The following SLC45A3 variants were observed in gnomAD, a reference collection of about 807,000 sequenced individuals.
The protein encoded by SLC45A3 is solute carrier family 45 member 3.
In SLC45A3, 17 loss-of-function variants were observed where a neutral mutation model predicts 35.3. The ratio of observed to expected loss-of-function variants is 0.48; its 90% CI spans 0.33 to 0.72. The LOEUF (loss-of-function observed/expected upper bound fraction) is 0.72. Ranked by LOEUF, SLC45A3 falls within the 30% of genes least tolerant of loss-of-function variation. The pLI, the probability that SLC45A3 is intolerant of heterozygous loss-of-function variation, is 0.02. For missense variants in SLC45A3, 597 were observed against 731.7 expected (o/e 0.82, Z 2.12); for synonymous variants, 288 against 334.3 (o/e 0.86, Z 1.51).
intron 1 of SLC45A3, among the ~76,000 whole-genome samples, chr1:205,667,936 C>T (rs376566603): frequency 1.5e-4 from 23 of 152,136 alleles, no homozygotes; most frequent in East Asian, 3.9e-4. Flanking sequence ...CTTTCTCCAA[C>T]GCCCCCCATC....
intron 1 of SLC45A3, among the ~76,000 whole-genome samples, 171 bp from the exon 2 acceptor site, chr1:205,665,057 C>T (rs572082156): frequency 1.3e-5 from 2 of 152,346 alleles, no homozygotes; most frequent in Non-Finnish European, 2.9e-5. Flanking sequence ...TAATATTAGC[C>T]TACGGCTGAC....
chr1:205,662,774 G>C lies in SLC45A3; in HGVS notation c.958+59C>G, dbSNP rs551181713. 7 of 1,518,830 alleles carry C rather than the reference G, an allele frequency of 4.6e-6. No homozygotes were observed. In the Middle Eastern group the frequency reaches 7.4e-4, roughly 161 times the overall value. The allele number at this position is 1,518,830 out of a possible 1,614,324, so 94.1% of individuals were successfully genotyped here. A position where few individuals can be genotyped will look rare whatever the true frequency, so the allele number is the denominator to read the frequency against. On this transcript the variant is annotated intron_variant, in intron 3 of 4. Coordinates refer to ENST00000367145, the MANE Select transcript of SLC45A3 (RefSeq NM_033102.3). This position sits in a 1 kb window ranked among gnomAD's most constrained non-coding sequence, Gnocchi z 6.2. ...GAGGCACCAGCCCAGACACAGCCCC[G>C]AGTGTCGTCTCTGGTGGGCGGCTCC...
chr1:205,679,954 G>A (rs1373198781), intron 1 of SLC45A3, among the ~76,000 whole-genome samples: 1 of 151,792 alleles, frequency 6.6e-6, no homozygotes, highest in Non-Finnish European at 1.5e-5. Context: ...GACAAGAGAA[G>A]AAAATAAACG....
intron 1 of SLC45A3, among the ~76,000 whole-genome samples, chr1:205,673,780 C>T (rs1671254499): frequency 6.6e-6 from 1 of 152,320 alleles, no homozygotes; most frequent in African/African-American, 2.4e-5. Context: ...AACAGTCACT[C>T]TCAGTGGTGA....
At chr1:205,672,437 G>A (rs1462186672) in intron 1 of SLC45A3, among the ~76,000 whole-genome samples, 1 of 152,188 alleles carries the variant, frequency 6.6e-6, no homozygotes, top group African/African-American at 2.4e-5. Context: ...CAGGGAAAAT[G>A]AACACAGTGG....
Position 205,664,611 on chromosome 1 carries a change from C to T in SLC45A3, c.46G>A (p.Ala16Thr). The change falls in exon 2 of 5, where the codon GCC becomes ACC. Residue 16 changes from alanine (A) to threonine (T), a missense_variant. Ala to Thr is a moderately conservative substitution (Grantham distance 58). Coordinates refer to ENST00000367145, the MANE Select transcript of SLC45A3 (RefSeq NM_033102.3). The surrounding 1 kb of genome is among the most constrained non-coding windows in gnomAD (Gnocchi z 5.3). ...WVSRLLRHRK[A>T]QLLLVNLLTF... ...AGCAGGTTGACCAGCAAGAGCTGGGCTTTCCGGTGCCGCAGCAGGCGGCTC... is the reference window on the plus strand; with the variant it reads ...AGCAGGTTGACCAGCAAGAGCTGGGTTTTCCGGTGCCGCAGCAGGCGGCTC... 1 of 1,614,284 alleles carries T rather than the reference C, an allele frequency of 6.2e-7. No individual in the cohort carries two copies. Among genetic ancestry groups the T allele is most frequent in the Non-Finnish European group, 8.5e-7 (1 of 1,180,044 alleles).
rs1033285501 is a variant in SLC45A3 at position 205,669,599 on chromosome 1, G to A, written c.-230-4713C>T. Among the ~76,000 whole-genome samples, 7 of 152,128 alleles carry A rather than the reference G, an allele frequency of 4.6e-5. No individual in the cohort carries two copies. Among genetic ancestry groups the A allele is most frequent in the African/African-American group, 9.7e-5 (4 of 41,432 alleles). On this transcript the variant is annotated intron_variant, in intron 1 of 4. Transcript: ENST00000367145. The surrounding 1 kb of genome is among the most constrained non-coding windows in gnomAD (Gnocchi z 4.1). ...AGCAATTCTAAGGCTTCTTTATGCA[G>A]GCCAGCGTCAAACCCCACCCAGGCA...
chr1:205,659,102 G>A lies in SLC45A3; in HGVS notation c.*132C>T. 1 of 904,398 alleles carries A rather than the reference G, an allele frequency of 1.1e-6. No individual in the cohort carries two copies. Among genetic ancestry groups the A allele is most frequent in the Non-Finnish European group, 1.7e-6 (1 of 599,730 alleles). 56.0% of individuals were successfully genotyped at this position (904,398 alleles called of 1,614,324 possible). ...GCTACGCACCTCAGCAGCACAGGGT[G>A]GCAGCAGAGAGCCACATTACTTTGG... On this transcript the variant is annotated 3_prime_UTR_variant, in exon 5 of 5. Coordinates refer to ENST00000367145, the MANE Select transcript of SLC45A3 (RefSeq NM_033102.3). This position sits in a 1 kb window ranked among gnomAD's most constrained non-coding sequence, Gnocchi z 5.8.
chr1:205,663,171 AAGATGAGGGT>A lies in SLC45A3; in HGVS notation c.610_619del (p.Thr204SerfsTer5). On this transcript the variant is annotated frameshift_variant, in exon 3 of 5. Coordinates refer to ENST00000367145, the MANE Select transcript of SLC45A3 (RefSeq NM_033102.3). LOFTEE classifies it high-confidence loss of function. ...CAGTGTGGCTGCTACGCAGGTGAGG[AAGATGAGGGT>A]GAGCAGGCCAAAGAGGCACTCCTCC... The A allele has an allele frequency of 6.2e-7, 1 of 1,612,874 alleles. No homozygotes were observed. The highest frequency in any genetic ancestry group is 2.2e-5 in the East Asian group (1 of 44,822).
intron 1 of SLC45A3, among the ~76,000 whole-genome samples, chr1:205,671,077 G>A (rs1558036482): frequency 6.6e-6 from 1 of 152,178 alleles, no homozygotes; most frequent in Non-Finnish European, 1.5e-5. Flanking sequence ...AAGGGACAGA[G>A]GGGCAGTCCC....
At position 205,659,516 on chromosome 1, in the gene SLC45A3, G is replaced by A. The variant is rs766319015; in HGVS notation, c.1380C>T (p.Leu460=). The A allele has an allele frequency of 9.9e-6, 16 of 1,611,632 alleles. No individual in the cohort carries two copies. The highest frequency in any genetic ancestry group is 8.5e-7 in the Non-Finnish European group (1 of 1,178,514). The change falls in exon 5 of 5, where the codon CTC becomes CTT. Residue 460 remains leucine (L), a synonymous_variant. Transcript: ENST00000367145. This position sits in a 1 kb window ranked among gnomAD's most constrained non-coding sequence, Gnocchi z 5.8. ...AGACATCACAGGCAGAGGCCCCGCA[G>A]AGCGCGGGTGGAGGTGGGAGCAGGC... ...GSGLLPPPPA[L]CGASACDVSV... is the part of the protein sequence containing the mutation.
chr1:205,680,319 G>A (rs61824662), intron 1 of SLC45A3, 75 bp downstream of exon 1: 5,918 of 152,080 alleles, frequency 0.039, 235 homozygotes, highest in East Asian at 0.15. Context: ...ACAGCGCGGA[G>A]CTCGGCCGTG....
Position 205,680,460 on chromosome 1 carries a change from GC to G in SLC45A3, c.-298del. 6.6e-6 allele frequency: 1 copy of G among 152,492 alleles called. No individual in the cohort carries two copies. The highest frequency in any genetic ancestry group is 1.5e-5 in the Non-Finnish European group (1 of 68,354). The allele number at this position is 152,492 out of a possible 1,614,324, so 9.4% of individuals were successfully genotyped here. On this transcript the variant is annotated 5_prime_UTR_variant, in exon 1 of 5. Coordinates refer to ENST00000367145, the MANE Select transcript of SLC45A3 (RefSeq NM_033102.3). ...AGGCTGGTTCCGCCCCCCCTTCCTT[GC>G]CCCCCACGCGCGCCAGCCGGCGGCT...
chr1:205,662,153 A>T lies in SLC45A3; in HGVS notation c.959-27T>A, dbSNP rs1671037377. On this transcript the variant is annotated intron_variant, in intron 3 of 4. Transcript: ENST00000367145. The surrounding 1 kb of genome is among the most constrained non-coding windows in gnomAD (Gnocchi z 6.2). The stretch of plus-strand genomic sequence containing the variant: ...TGCAGAGGGAGAGGGGCCATCAGAC[A>T]GAGCCTGGGAGGGAAGGGTCGGAGC... The T allele has an allele frequency of 3.8e-6, 6 of 1,593,036 alleles. No homozygotes were observed. The highest frequency in any genetic ancestry group is 5.1e-6 in the Non-Finnish European group (6 of 1,167,284).
chr1:205,664,733 C>T lies in SLC45A3; in HGVS notation c.-77G>A. On this transcript the variant is annotated 5_prime_UTR_variant, in exon 2 of 5. Coordinates refer to ENST00000367145, the MANE Select transcript of SLC45A3 (RefSeq NM_033102.3). This position sits in a 1 kb window ranked among gnomAD's most constrained non-coding sequence, Gnocchi z 5.3. ...CTTCGTCTCGGCTCTGCTCCAGAAG[C>T]TGCGGCCTCTCCTCCTTGCTGCCGC... is the stretch of plus-strand genomic sequence containing the variant. 1.3e-6 allele frequency: 2 copies of T among 1,545,866 alleles called. No homozygotes were observed. The highest frequency in any genetic ancestry group is 1.7e-6 in the Non-Finnish European group (2 of 1,149,194).
chr1:205,678,877 A>C (rs1671353911), intron 1 of SLC45A3, among the ~76,000 whole-genome samples: 1 of 152,148 alleles, frequency 6.6e-6, no homozygotes, highest in African/African-American at 2.4e-5. Context: ...CGTCCCACTT[A>C]TCCCCTACAA....
chr1:205,668,373 G>C (rs7529037), intron 1 of SLC45A3, among the ~76,000 whole-genome samples: 76,323 of 151,820 alleles, frequency 0.5, 21,861 homozygotes, highest in African/African-American at 0.77. Flanking sequence ...TTTCTCAGTT[G>C]TCAGGCTCAG....
At position 205,663,170 on chromosome 1, in the gene SLC45A3, G is replaced by A; in HGVS notation, c.621C>T (p.Phe207=). 6.2e-7 allele frequency: 1 copy of A among 1,612,950 alleles called. No homozygotes were observed. Among genetic ancestry groups the A allele is most frequent in the Non-Finnish European group, 8.5e-7 (1 of 1,179,838 alleles). ...GCAGTGTGGCTGCTACGCAGGTGAG[G>A]AAGATGAGGGTGAGCAGGCCAAAGA... ...ECLFGLLTLI[F]LTCVAATLLV... is the part of the protein sequence containing the mutation. The change falls in exon 3 of 5, where the codon TTC becomes TTT. Residue 207 remains phenylalanine, a synonymous_variant. Coordinates refer to ENST00000367145, the MANE Select transcript of SLC45A3 (RefSeq NM_033102.3).
chr1:205,658,580 A>G lies in SLC45A3; in HGVS notation c.*654T>C, dbSNP rs952637541. On this transcript the variant is annotated 3_prime_UTR_variant, in exon 5 of 5. Transcript: ENST00000367145. The stretch of plus-strand genomic sequence containing the variant: ...TGTTAAATAAATAAGTTAAATATTT[A>G]AATGCCTGTGTCTCTGTGATGGCAA... The G allele has an allele frequency of 8.6e-6, 2 of 233,172 alleles. No individual in the cohort carries two copies. The highest frequency in any genetic ancestry group is 1.7e-5 in the Non-Finnish European group (2 of 117,802). 14.4% of individuals were successfully genotyped at this position (233,172 alleles called of 1,614,324 possible).
Sources: allele counts gnomAD v4.1 joint callset (sites outside exome capture counted in the v4.1 genomes callset), GRCh38; gene constraint gnomAD v4.1.1; non-coding constraint Gnocchi (gnomAD v3.1); transcripts MANE v1.5; gene names NCBI Gene and HGNC (gene_info 2026-07-23, HGNC 2026-07-21).